The following ADAMTS6 variants were observed in gnomAD, a reference collection of about 807,000 sequenced individuals.
The protein encoded by ADAMTS6 is A disintegrin and metalloproteinase with thrombospondin motifs 6.
A neutral mutation model predicts 144.3 loss-of-function variants in ADAMTS6; 23 were observed. The ratio of observed to expected loss-of-function variants is 0.16; its 90% CI spans 0.11 to 0.23. The LOEUF (loss-of-function observed/expected upper bound fraction) is 0.23. Ranked by LOEUF, ADAMTS6 falls within the 10% of genes least tolerant of loss-of-function variation. The pLI is 1.00. For missense variants in ADAMTS6, 999 were observed against 1,379.6 expected, an observed-to-expected ratio of 0.72 and a Z score of 4.37; for synonymous variants, 444 against 457.5, an observed-to-expected ratio of 0.97 and a Z score of 0.38.
chr5:65,172,180 C>T (rs969952529), intron 23 of ADAMTS6, among the ~76,000 whole-genome samples: 2 of 150,980 alleles, frequency 1.3e-5, no homozygotes, highest in East Asian at 1.9e-4. Flanking sequence ...TTTGGGAGGC[C>T]GAGGCGGGCG....
intron 7 of ADAMTS6, among the ~76,000 whole-genome samples, chr5:65,446,268 A>G (rs1758264411): frequency 6.6e-6 from 1 of 152,234 alleles, no homozygotes. Context: ...TATTTAAAAA[A>G]TAAGAAAACT....
intron 7 of ADAMTS6, among the ~76,000 whole-genome samples, chr5:65,334,841 T>C (rs1204656907): frequency 6.6e-6 from 1 of 152,178 alleles, no homozygotes; most frequent in African/African-American, 2.4e-5. Flanking sequence ...ACATTTATTT[T>C]AAGCATTTTC....
intron 7 of ADAMTS6, among the ~76,000 whole-genome samples, chr5:65,414,323 C>T: frequency 6.7e-6 from 1 of 150,296 alleles, no homozygotes; most frequent in African/African-American, 2.4e-5. Flanking sequence ...GTCTTCATTT[C>T]CTTATGAAGA....
intron 7 of ADAMTS6, among the ~76,000 whole-genome samples, chr5:65,361,634 C>A (rs1404900213): frequency 6.6e-6 from 1 of 152,158 alleles, no homozygotes; most frequent in East Asian, 1.9e-4. Flanking sequence ...GAAATGGTAC[C>A]TTAGCTGGGC....
chr5:65,172,827 C>T lies in ADAMTS6; in HGVS notation c.3087+5G>A, dbSNP rs750553528. 1.2e-6 allele frequency: 2 copies of T among 1,613,240 alleles called. No homozygotes were observed. The highest frequency in any genetic ancestry group is 2.7e-5 in the African/African-American group (2 of 74,898). The stretch of plus-strand genomic sequence containing the variant: ...CAGCAGGAGCCCACAGTACAAACGC[C>T]TTACCTGGCCCCAGTCTCCTGTGAC... On this transcript the variant is annotated splice_donor_5th_base_variant and intron_variant, in intron 23 of 24. Transcript: ENST00000381055.
At chr5:65,164,068 C>T (rs1337330797) in intron 24 of ADAMTS6, among the ~76,000 whole-genome samples, 1 of 152,166 alleles carries the variant, frequency 6.6e-6, no homozygotes, top group Admixed American at 6.5e-5. Context: ...CAACAGCTCC[C>T]AGCGTGAGCG....
chr5:65,392,962 T>A (rs948195587), intron 7 of ADAMTS6, among the ~76,000 whole-genome samples: 8 of 152,220 alleles, frequency 5.3e-5, no homozygotes, highest in Non-Finnish European at 1.2e-4. Flanking sequence ...CTGCCAACTC[T>A]ACCAAATTTT....
chr5:65,157,013 G>A (rs989285207), intron 24 of ADAMTS6, among the ~76,000 whole-genome samples: 9 of 152,226 alleles, frequency 5.9e-5, no homozygotes, highest in Non-Finnish European at 1.2e-4. Flanking sequence ...CTTCTGGTGG[G>A]AATGACTTTA....
At chr5:65,162,360 A>G (rs1422387045) in intron 24 of ADAMTS6, among the ~76,000 whole-genome samples, 1 of 152,224 alleles carries the variant, frequency 6.6e-6, no homozygotes, top group African/African-American at 2.4e-5. Context: ...GCTGACAGTC[A>G]TGCCAGAAAT....
At chr5:65,280,708 A>AT (rs1312689658) in intron 11 of ADAMTS6, among the ~76,000 whole-genome samples, 1 of 152,012 alleles carries the variant, frequency 6.6e-6, no homozygotes, top group Non-Finnish European at 1.5e-5. Context: ...TATTAGTTTT[A>AT]TTTTATCTAG....
At chr5:65,360,719 G>A (rs1749748826) in intron 7 of ADAMTS6, among the ~76,000 whole-genome samples, 1 of 152,086 alleles carries the variant, frequency 6.6e-6, no homozygotes, top group Admixed American at 6.6e-5. Context: ...TCACACGGTG[G>A]GAATTGACCA....
intron 14 of ADAMTS6, among the ~76,000 whole-genome samples, chr5:65,257,635 A>G (rs566091510): frequency 2.6e-5 from 4 of 152,152 alleles, no homozygotes; most frequent in African/African-American, 4.8e-5. Context: ...AGGCTCTTTC[A>G]ATGGTTTCAA....
intron 11 of ADAMTS6, among the ~76,000 whole-genome samples, chr5:65,282,991 T>G (rs2112713861): frequency 6.6e-6 from 1 of 152,228 alleles, no homozygotes; most frequent in African/African-American, 2.4e-5. Flanking sequence ...CTTTTGGCCC[T>G]TGGGAAACTC....
intron 3 of ADAMTS6, among the ~76,000 whole-genome samples, chr5:65,468,725 G>C (rs1388647812): frequency 6.6e-6 from 1 of 152,138 alleles, no homozygotes; most frequent in Admixed American, 6.5e-5. Flanking sequence ...GTGACATTTT[G>C]TCATCTCCTT....
At chr5:65,449,231 A>C (rs1298057014) in intron 7 of ADAMTS6, among the ~76,000 whole-genome samples, 1 of 152,220 alleles carries the variant, frequency 6.6e-6, no homozygotes, top group Non-Finnish European at 1.5e-5. Flanking sequence ...CCAATCTAAA[A>C]TAATATGATA....
At chr5:65,248,777 ACTGT>A (rs759828049) in intron 14 of ADAMTS6, among the ~76,000 whole-genome samples, 1 of 152,118 alleles carries the variant, frequency 6.6e-6, no homozygotes, top group Non-Finnish European at 1.5e-5. Flanking sequence ...ACAGAGCCTG[ACTGT>A]CTCCAAAAAA....
intron 7 of ADAMTS6, among the ~76,000 whole-genome samples, chr5:65,345,758 G>A (rs1355205972): frequency 1.3e-5 from 2 of 151,670 alleles, no homozygotes; most frequent in African/African-American, 4.8e-5. Flanking sequence ...TCTTTCATAC[G>A]AATGAAAAAT....
intron 7 of ADAMTS6, among the ~76,000 whole-genome samples, chr5:65,370,417 C>T (rs1014688568): frequency 2.1e-4 from 32 of 152,126 alleles, no homozygotes; most frequent in Non-Finnish European, 3.2e-4. Flanking sequence ...AGTGGGTGCG[C>T]GCACCATGCG....
At chr5:65,241,184 G>T (rs775094869) in intron 15 of ADAMTS6, among the ~76,000 whole-genome samples, 3 of 150,870 alleles carry the variant, frequency 2.0e-5, no homozygotes, top group Non-Finnish European at 4.4e-5. Flanking sequence ...ATAAGATACT[G>T]GAAAAGCAAG....
Sources: allele counts gnomAD v4.1 joint callset (sites outside exome capture counted in the v4.1 genomes callset), GRCh38; gene constraint gnomAD v4.1.1; transcripts MANE v1.5; gene names NCBI Gene and HGNC (gene_info 2026-07-23, HGNC 2026-07-21).